BBS4: variants seen among roughly 807,000 people sequenced by gnomAD.
The protein encoded by BBS4 is Bardet-Biedl syndrome 4, also known as BBSome complex member BBS4.
A neutral mutation model predicts 71.4 loss-of-function variants in BBS4; 58 were observed. The observed-to-expected ratio is 0.81, with a 90% CI of 0.66 to 1.01. The LOEUF (loss-of-function observed/expected upper bound fraction) is 1.01. Ranked by LOEUF, BBS4 falls within the 50% of genes least tolerant of loss-of-function variation. The pLI, the probability that BBS4 is intolerant of heterozygous loss-of-function variation, is 0.00. For synonymous variants in BBS4, 228 were observed against 216.8 expected (o/e 1.05, Z -0.46); for missense variants, 660 against 607.9 (o/e 1.09, Z -0.90).
At chr15:72,689,743 A>G (rs1567393690) in intron 1 of BBS4, among the ~76,000 whole-genome samples, 1 of 145,020 alleles carries the variant, frequency 6.9e-6, no homozygotes, top group South Asian at 2.2e-4. Flanking sequence ...TGAATGAGCA[A>G]CTAACTCTGG....
chr15:72,693,494 G>A (rs1299604156), intron 1 of BBS4, among the ~76,000 whole-genome samples: 1 of 152,058 alleles, frequency 6.6e-6, no homozygotes, highest in Non-Finnish European at 1.5e-5. Context: ...TGGGCTTTGT[G>A]GGCCATAGAG....
intron 2 of BBS4, among the ~76,000 whole-genome samples, chr15:72,709,227 G>T (rs1247694061): frequency 6.6e-6 from 1 of 152,210 alleles, no homozygotes; most frequent in Non-Finnish European, 1.5e-5. Context: ...AGGCCCAGCT[G>T]TGAAATTCCT....
intron 2 of BBS4, 149 bp from the exon 3 acceptor site, chr15:72,709,551 G>T: frequency 3.1e-6 from 2 of 650,886 alleles, no homozygotes; most frequent in Non-Finnish European, 2.7e-6. Flanking sequence ...ATAAATTTTT[G>T]ATGCACTATA....
chr15:72,730,969 G>C (rs1449027270), intron 10 of BBS4, among the ~76,000 whole-genome samples: 1 of 151,350 alleles, frequency 6.6e-6, no homozygotes, highest in Non-Finnish European at 1.5e-5. Context: ...CAGATTAAAG[G>C]AAGTTTTTAC....
intron 1 of BBS4, chr15:72,686,674 G>C: frequency 1.2e-6 from 1 of 862,854 alleles, no homozygotes; most frequent in Non-Finnish European, 1.7e-6. Context: ...GCGGGACTGT[G>C]TTTTTTCTGT....
At chr15:72,708,111 TGC>T in intron 2 of BBS4, among the ~76,000 whole-genome samples, 1 of 152,100 alleles carries the variant, frequency 6.6e-6, no homozygotes, top group East Asian at 1.9e-4. Flanking sequence ...GGACTATTGG[TGC>T]GGGTTACCAC....
chr15:72,719,692 C>T (rs906641138), intron 6 of BBS4, among the ~76,000 whole-genome samples: 2 of 151,768 alleles, frequency 1.3e-5, no homozygotes, highest in African/African-American at 4.8e-5. Flanking sequence ...TACTGACTCA[C>T]TTGGGATAAC....
intron 1 of BBS4, among the ~76,000 whole-genome samples, chr15:72,688,005 T>C (rs543172110): frequency 7.9e-4 from 91 of 115,352 alleles, no homozygotes; most frequent in Non-Finnish European, 1.4e-3. Flanking sequence ...GGAAAGAAAA[T>C]ACTTCCACTC....
At chr15:72,734,736 G>A (rs891560408) in intron 12 of BBS4, among the ~76,000 whole-genome samples, 1 of 152,102 alleles carries the variant, frequency 6.6e-6, no homozygotes, top group Admixed American at 6.5e-5. Context: ...TTATAGATGT[G>A]GGGGGCCAGT....
intron 5 of BBS4, among the ~76,000 whole-genome samples, chr15:72,715,830 A>G (rs2065458912): frequency 6.6e-6 from 1 of 152,338 alleles, no homozygotes; most frequent in African/African-American, 2.4e-5. Flanking sequence ...CAACTTTACA[A>G]TGATGTAAAA....
intron 2 of BBS4, among the ~76,000 whole-genome samples, chr15:72,704,947 C>G (rs2065237465): frequency 1.3e-5 from 2 of 151,944 alleles, no homozygotes; most frequent in African/African-American, 4.8e-5. Context: ...TAATAGGTAA[C>G]ATTTCTTTAA....
intron 13 of BBS4, chr15:72,735,566 C>G (rs2065905126): frequency 1.8e-6 from 1 of 564,268 alleles, no homozygotes. Flanking sequence ...GGTAGAGATC[C>G]CTTTTTCAAC....
chr15:72,687,476 C>T (rs2064880245), intron 1 of BBS4, among the ~76,000 whole-genome samples: 1 of 151,320 alleles, frequency 6.6e-6, no homozygotes, highest in African/African-American at 2.4e-5. Context: ...TCGTGGCGCT[C>T]GCCTGTAATC....
chr15:72,703,054 G>A (rs1194382282), intron 2 of BBS4, among the ~76,000 whole-genome samples: 3 of 151,174 alleles, frequency 2.0e-5, no homozygotes, highest in Non-Finnish European at 2.9e-5. Context: ...CTCGTGATCC[G>A]CCCGCCTCGG....
intron 12 of BBS4, among the ~76,000 whole-genome samples, chr15:72,734,501 G>T (rs1005953664): frequency 6.6e-6 from 1 of 152,196 alleles, no homozygotes; most frequent in African/African-American, 2.4e-5. Context: ...TGGAGGTCAT[G>T]CGTACAGTGC....
intron 14 of BBS4, 74 bp downstream of exon 14, chr15:72,736,040 C>T (rs181939821): frequency 1.3e-6 from 2 of 1,554,016 alleles, no homozygotes; most frequent in East Asian, 2.3e-5. Flanking sequence ...CCCAGATCAT[C>T]CAAATCCAAG....
Position 72,724,710 on chromosome 15 carries a change from A to G in BBS4, c.587+55A>G, listed in dbSNP as rs536469758. ...GAGAAACTAAAAAAATTGAGTGGAT[A>G]TGTGAACTCCCAAGCCTAAAAGAGT... On this transcript the variant is annotated intron_variant, in intron 8 of 15. Transcript: ENST00000268057. 13 of 1,602,856 alleles carry G rather than the reference A, an allele frequency of 8.1e-6. No homozygotes were observed. In the Admixed American group the frequency reaches 1.7e-4, roughly 21 times the overall value.
intron 12 of BBS4, among the ~76,000 whole-genome samples, chr15:72,733,493 T>C (rs1371650950): frequency 6.6e-6 from 1 of 152,168 alleles, no homozygotes; most frequent in Non-Finnish European, 1.5e-5. Context: ...CCATGTGTTC[T>C]CATCATTTAG....
chr15:72,733,123 C>A (rs1272305621), intron 12 of BBS4, among the ~76,000 whole-genome samples: 1 of 152,006 alleles, frequency 6.6e-6, no homozygotes, highest in African/African-American at 2.4e-5. Flanking sequence ...GACAGTCTCC[C>A]CAGGGTCAGT....
Sources: gnomAD v4.1 joint callset for allele counts (sites outside exome capture counted in the v4.1 genomes callset) on GRCh38, gnomAD v4.1.1 for gene constraint, MANE v1.5 for transcripts, NCBI Gene and HGNC (gene_info 2026-07-23, HGNC 2026-07-21) for gene names.